Variants in DIAPH3 observed in about 807,000 individuals in gnomAD.
DIAPH3 encodes the protein protein diaphanous homolog 3.
DIAPH3 carries 117 observed loss-of-function variants against 144.3 expected under a neutral mutation model. That is an observed-to-expected ratio of 0.81 (90% CI 0.70 to 0.95). The LOEUF (loss-of-function observed/expected upper bound fraction) is 0.95, where lower values mean the gene tolerates loss of function less well. Among genes scored for constraint, DIAPH3 ranks in the 40% least tolerant of loss-of-function variants. The pLI, the probability that DIAPH3 is intolerant of heterozygous loss-of-function variation, is 0.00. For missense variants in DIAPH3, 1,421 were observed against 1,412.7 expected (o/e 1.01, Z -0.09); for synonymous variants, 519 against 488.9 (o/e 1.06, Z -0.81).
intron 2 of DIAPH3, among the ~76,000 whole-genome samples, chr13:60,123,671 T>C (rs2058907160): frequency 6.6e-6 from 1 of 152,220 alleles, no homozygotes; most frequent in African/African-American, 2.4e-5. Flanking sequence ...CCCCAATCCA[T>C]GCTGGTATTT....
At chr13:59,720,962 G>A (rs1408883191) in intron 27 of DIAPH3, among the ~76,000 whole-genome samples, 15 of 152,074 alleles carry the variant, frequency 9.9e-5, no homozygotes, top group Admixed American at 9.8e-4. Context: ...GAGCACTGTA[G>A]GAATTTAGCC....
chr13:59,681,858 C>T (rs1278186868), intron 27 of DIAPH3, among the ~76,000 whole-genome samples: 1 of 152,128 alleles, frequency 6.6e-6, no homozygotes, highest in Non-Finnish European at 1.5e-5. Context: ...CAATTCAGCT[C>T]CTGGCTCCAA....
intron 20 of DIAPH3, among the ~76,000 whole-genome samples, chr13:59,905,342 C>CAAA (rs59114311): frequency 5.6e-4 from 39 of 69,752 alleles, no homozygotes; most frequent in African/African-American, 2.5e-3. Context: ...GACTCTGTCT[C>CAAA]AAAAAAAAAA....
At chr13:59,801,959 T>C (rs2039920897) in intron 25 of DIAPH3, among the ~76,000 whole-genome samples, 2 of 152,212 alleles carry the variant, frequency 1.3e-5, no homozygotes, top group African/African-American at 2.4e-5. Flanking sequence ...CTGAGTTGTT[T>C]TTTTTCCCCC....
chr13:59,916,248 T>C lies in DIAPH3; in HGVS notation c.2172A>G (p.Ser724=), dbSNP rs760222304. 154 of 1,611,846 alleles carry C rather than the reference T, an allele frequency of 9.6e-5. 3 individuals carry two copies. The South Asian group carries it at 1.6e-3, about 17-fold the overall frequency. The change falls in exon 19 of 28, where the codon TCA becomes TCG. Residue 724 remains serine (S), a splice_region_variant and synonymous_variant. Coordinates refer to ENST00000400324, the MANE Select transcript of DIAPH3 (RefSeq NM_001042517.2). ...GCACCCGAAAAGAGCTCAGGAAGAT[T>C]GCTAAGAAGGAGAAAGAGAGAAAGG... ...FLDSKIAQNL[S]IFLSSFRVPY...
At chr13:59,982,705 T>A (rs1272376906) in intron 13 of DIAPH3, among the ~76,000 whole-genome samples, 2 of 151,668 alleles carry the variant, frequency 1.3e-5, no homozygotes, top group Admixed American at 6.6e-5. Flanking sequence ...ATCATATCAA[T>A]TAACTTGTAC....
intron 5 of DIAPH3, among the ~76,000 whole-genome samples, chr13:60,025,374 A>G (rs768651778): frequency 8.8e-5 from 13 of 147,614 alleles, no homozygotes; most frequent in Non-Finnish European, 1.6e-4. Context: ...TGTTTCACAT[A>G]TAATGTCCAG....
chr13:60,031,730 A>ATTTTT (rs1351705439), intron 5 of DIAPH3, among the ~76,000 whole-genome samples: 1 of 65,874 alleles, frequency 1.5e-5, no homozygotes, highest in Non-Finnish European at 3.0e-5. Context: ...CAGTCATTAA[A>ATTTTT]TCTTTTTTTT....
chr13:59,989,384 T>A (rs987968745), intron 12 of DIAPH3, among the ~76,000 whole-genome samples: 3 of 130,834 alleles, frequency 2.3e-5, no homozygotes, highest in Non-Finnish European at 3.3e-5. Context: ...TTTTAAGAAT[T>A]TTTTTAAGAA....
chr13:60,156,461 G>C (rs1382231457), intron 1 of DIAPH3, among the ~76,000 whole-genome samples: 1 of 152,122 alleles, frequency 6.6e-6, no homozygotes, highest in Admixed American at 6.5e-5. Flanking sequence ...GGGTATGTAA[G>C]GCAATTTACA....
At chr13:59,667,313 T>C (rs1669730507) in intron 27 of DIAPH3, among the ~76,000 whole-genome samples, 1 of 152,232 alleles carries the variant, frequency 6.6e-6, no homozygotes, top group South Asian at 2.1e-4. Flanking sequence ...TCTGTCTTAC[T>C]AGAATGTGTG....
chr13:60,086,147 A>C (rs1170376136), intron 4 of DIAPH3, among the ~76,000 whole-genome samples: 1 of 152,150 alleles, frequency 6.6e-6, no homozygotes, highest in Non-Finnish European at 1.5e-5. Context: ...TTCTAATGTG[A>C]GCCTAATATA....
At chr13:59,983,394 C>A (rs2051158267) in intron 13 of DIAPH3, among the ~76,000 whole-genome samples, 1 of 151,498 alleles carries the variant, frequency 6.6e-6, no homozygotes. Context: ...AATATTAAAA[C>A]AGTGTGTATA....
At chr13:60,116,668 C>T (rs538327752) in intron 2 of DIAPH3, among the ~76,000 whole-genome samples, 1 of 151,430 alleles carries the variant, frequency 6.6e-6, no homozygotes, top group South Asian at 2.1e-4. Context: ...TTCATTAATG[C>T]AACATCAATA....
At chr13:59,961,343 A>G (rs1416847916) in intron 17 of DIAPH3, among the ~76,000 whole-genome samples, 1 of 152,174 alleles carries the variant, frequency 6.6e-6, no homozygotes, top group Admixed American at 6.5e-5. Context: ...TATGTCCCCC[A>G]TTTTATAGAG....
chr13:59,935,760 CAGAT>C (rs1378426782), intron 17 of DIAPH3, among the ~76,000 whole-genome samples: 5 of 152,078 alleles, frequency 3.3e-5, no homozygotes, highest in Non-Finnish European at 5.9e-5. Flanking sequence ...AGTGGAGAAA[CAGAT>C]AGGCTATTTT....
chr13:60,069,213 C>T (rs888837058), intron 4 of DIAPH3, among the ~76,000 whole-genome samples: 8 of 152,012 alleles, frequency 5.3e-5, no homozygotes, highest in African/African-American at 1.9e-4. Flanking sequence ...TGTGGTTTAG[C>T]TTTGTATTTC....
chr13:59,952,741 T>C (rs879325678), intron 17 of DIAPH3, among the ~76,000 whole-genome samples: 5 of 152,178 alleles, frequency 3.3e-5, no homozygotes, highest in African/African-American at 4.8e-5. Flanking sequence ...CATTTAAATA[T>C]TTCTACTCCC....
At chr13:59,922,561 G>A (rs1234806133) in intron 18 of DIAPH3, among the ~76,000 whole-genome samples, 1 of 151,808 alleles carries the variant, frequency 6.6e-6, no homozygotes, top group Non-Finnish European at 1.5e-5. Context: ...TTCCAAAACA[G>A]TTCTAAGACT....
Sources: allele counts gnomAD v4.1 joint callset (sites outside exome capture counted in the v4.1 genomes callset), GRCh38; gene constraint gnomAD v4.1.1; transcripts MANE v1.5; gene names NCBI Gene and HGNC (gene_info 2026-07-23, HGNC 2026-07-21).